The following FGF12 variants were observed in gnomAD, a reference collection of about 807,000 sequenced individuals.
FGF12 encodes fibroblast growth factor 12B.
A neutral mutation model predicts 23.6 loss-of-function variants in FGF12; 14 were observed. The ratio of observed to expected loss-of-function variants is 0.59; its 90% CI spans 0.39 to 0.93. The LOEUF (loss-of-function observed/expected upper bound fraction) is 0.93. Among genes scored for constraint, FGF12 ranks in the 40% least tolerant of loss-of-function variants. The pLI, the probability that FGF12 is intolerant of heterozygous loss-of-function variation, is 0.00. For synonymous variants in FGF12, 62 were observed against 77.3 expected (o/e 0.80, Z 1.04); for missense variants, 175 against 217.8 (o/e 0.80, Z 1.24).
At chr3:192,397,059 C>T (rs1199827735) in intron 2 of FGF12, among the ~76,000 whole-genome samples, 7 of 152,110 alleles carry the variant, frequency 4.6e-5, no homozygotes, top group East Asian at 1.9e-4. Flanking sequence ...AAAATGCACT[C>T]GGGAACATTT....
At chr3:192,333,939 G>C (rs1253274408) in intron 4 of FGF12, among the ~76,000 whole-genome samples, 1 of 151,970 alleles carries the variant, frequency 6.6e-6, no homozygotes, top group Admixed American at 6.6e-5. Flanking sequence ...AAATGATTTT[G>C]GGGGGGAGTT....
intron 4 of FGF12, among the ~76,000 whole-genome samples, chr3:192,179,154 CA>C (rs796451464): frequency 7.9e-5 from 12 of 151,894 alleles, no homozygotes; most frequent in African/African-American, 2.9e-4. Flanking sequence ...TACATTATCT[CA>C]AGTGAATTTT....
intron 4 of FGF12, among the ~76,000 whole-genome samples, chr3:192,296,590 A>G (rs1460050996): frequency 6.6e-6 from 1 of 152,122 alleles, no homozygotes; most frequent in Admixed American, 6.6e-5. Flanking sequence ...AACATCCTAA[A>G]ACATGATATT....
intron 4 of FGF12, among the ~76,000 whole-genome samples, chr3:192,179,559 T>C (rs1335458867): frequency 1.3e-5 from 2 of 151,882 alleles, no homozygotes; most frequent in Non-Finnish European, 2.9e-5. Flanking sequence ...ATTTTTTTTT[T>C]TTTTTTGAGA....
intron 2 of FGF12, among the ~76,000 whole-genome samples, chr3:192,398,548 T>C (rs553350392): frequency 6.6e-6 from 1 of 152,052 alleles, no homozygotes; most frequent in East Asian, 1.9e-4. Flanking sequence ...CACGCCCGAC[T>C]AATTTTGTAT....
At position 192,613,449 on chromosome 3, in the gene FGF12, C is replaced by T. The variant is rs73887645; in HGVS notation, c.13+113732G>A. Among the ~76,000 whole-genome samples, 805 of 151,886 alleles carry T rather than the reference C, an allele frequency of 5.3e-3. 4 individuals carry two copies. Among genetic ancestry groups the T allele is most frequent in the African/African-American group, 0.019 (782 of 41,486 alleles). ...AAAATATGACACTAAAGACTGAAAG[C>T]AAAACAATATAGGACTTACTTCATT... On this transcript the variant is annotated intron_variant, in intron 2 of 5. Coordinates refer to ENST00000445105, the MANE Select transcript of FGF12 (RefSeq NM_004113.6).
intron 4 of FGF12, among the ~76,000 whole-genome samples, chr3:192,207,821 A>G (rs543461057): frequency 6.6e-6 from 1 of 152,278 alleles, no homozygotes; most frequent in East Asian, 1.9e-4. Flanking sequence ...TGGTGTCAAG[A>G]CTTACAGCAA....
chr3:192,167,778 T>A (rs1406349621), intron 5 of FGF12, among the ~76,000 whole-genome samples: 8,941 of 88,406 alleles, frequency 0.1, 1,772 homozygotes, highest in Non-Finnish European at 0.16. Context: ...TAAAATTTTT[T>A]TTTTTTTTTT....
intron 2 of FGF12, among the ~76,000 whole-genome samples, chr3:192,391,032 C>T (rs964992340): frequency 1.3e-5 from 2 of 151,954 alleles, no homozygotes; most frequent in Admixed American, 6.6e-5. Flanking sequence ...TAATCTGTGG[C>T]TCAAAAATAT....
At chr3:192,234,716 G>A (rs67366957) in intron 4 of FGF12, among the ~76,000 whole-genome samples, 9,101 of 152,094 alleles carry the variant, frequency 0.06, 298 homozygotes, top group South Asian at 0.081. Flanking sequence ...GTCTTTCAAT[G>A]GTTAGTTTGT....
chr3:192,397,480 T>A (rs1177790403), intron 2 of FGF12, among the ~76,000 whole-genome samples: 1 of 152,192 alleles, frequency 6.6e-6, no homozygotes, highest in Non-Finnish European at 1.5e-5. Context: ...CTTCTTCTCC[T>A]AGCTAGAGTC....
At chr3:192,373,725 G>A (rs567129392) in intron 2 of FGF12, among the ~76,000 whole-genome samples, 2 of 152,274 alleles carry the variant, frequency 1.3e-5, no homozygotes, top group East Asian at 3.9e-4. Flanking sequence ...ACAGGGAACT[G>A]CCACTGTGAC....
chr3:192,392,591 CGAGAGAGA>C (rs67784749), intron 2 of FGF12, among the ~76,000 whole-genome samples: 2,739 of 41,850 alleles, frequency 0.065, 120 homozygotes, highest in African/African-American at 0.16. Flanking sequence ...AGTGAAACTC[CGAGAGAGA>C]GAGAGAGAGA....
At chr3:192,279,130 G>A (rs550669251) in intron 4 of FGF12, among the ~76,000 whole-genome samples, 6 of 151,792 alleles carry the variant, frequency 4.0e-5, no homozygotes, top group Admixed American at 2.6e-4. Context: ...ATGGACATGG[G>A]AAAATTTTTC....
At chr3:192,339,748 T>C (rs1010452675) in intron 3 of FGF12, among the ~76,000 whole-genome samples, 16 of 152,212 alleles carry the variant, frequency 1.1e-4, no homozygotes, top group Non-Finnish European at 2.4e-4. Context: ...ATTTCTTGTG[T>C]ATATTTCGGT....
chr3:192,351,949 G>A (rs1358865393), intron 3 of FGF12, among the ~76,000 whole-genome samples: 3 of 152,060 alleles, frequency 2.0e-5, no homozygotes, highest in East Asian at 1.9e-4. Context: ...CAAAGACATC[G>A]CAAGCAAAAT....
Position 192,721,420 on chromosome 3 carries a change from A to C in FGF12, c.13+5761T>G, listed in dbSNP as rs531947385. ...GATCCTTTGTTTTGTTATCTATAAA[A>C]TAAAGTTAAAATGCCAAATCACAGG... On this transcript the variant is annotated intron_variant, in intron 2 of 5. Transcript: ENST00000445105. Among the ~76,000 whole-genome samples, 51 of 152,176 alleles carry C rather than the reference A, an allele frequency of 3.4e-4. 1 individual carries two copies. In the South Asian group the frequency reaches 9.9e-3, roughly 30 times the overall value.
chr3:192,241,578 C>T (rs1317908272), intron 4 of FGF12, among the ~76,000 whole-genome samples: 1 of 151,992 alleles, frequency 6.6e-6, no homozygotes, highest in Admixed American at 6.6e-5. Flanking sequence ...TATATTAGAT[C>T]AAGAATACCA....
chr3:192,467,645 C>T (rs1403119309), intron 2 of FGF12, among the ~76,000 whole-genome samples: 1 of 152,132 alleles, frequency 6.6e-6, no homozygotes, highest in African/African-American at 2.4e-5. Flanking sequence ...CTCTGTTTGT[C>T]TTTTAAAAGA....
Sources: allele counts gnomAD v4.1 joint callset (sites outside exome capture counted in the v4.1 genomes callset), GRCh38; gene constraint gnomAD v4.1.1; transcripts MANE v1.5; gene names NCBI Gene and HGNC (gene_info 2026-07-23, HGNC 2026-07-21).